The following UBE2K variants were observed in gnomAD, a reference collection of about 807,000 sequenced individuals.
UBE2K encodes ubiquitin-conjugating enzyme E2 K.
A neutral mutation model predicts 30.0 loss-of-function variants in UBE2K; 6 were observed. That is an observed-to-expected ratio of 0.20 (90% CI 0.11 to 0.39). UBE2K has a LOEUF of 0.39. Ranked by LOEUF, UBE2K falls within the 10% of genes least tolerant of loss-of-function variation. UBE2K has a pLI of 1.00. For missense variants in UBE2K, 61 were observed against 241.6 expected, an observed-to-expected ratio of 0.25 and a Z score of 4.96; for synonymous variants, 86 against 83.7, an observed-to-expected ratio of 1.03 and a Z score of -0.15.
At chr4:39,752,311 A>ATTT (rs751312791) in intron 3 of UBE2K, among the ~76,000 whole-genome samples, 2 of 118,550 alleles carry the variant, frequency 1.7e-5, no homozygotes, top group African/African-American at 6.3e-5. Flanking sequence ...CGCCTGGCTA[A>ATTT]TTTTTTTTTT....
At chr4:39,763,190 G>A (rs903630910) in intron 4 of UBE2K, among the ~76,000 whole-genome samples, 8 of 151,264 alleles carry the variant, frequency 5.3e-5, no homozygotes, top group African/African-American at 1.9e-4. Flanking sequence ...TGATCCACCC[G>A]CCTTGGCCTC....
intron 1 of UBE2K, among the ~76,000 whole-genome samples, chr4:39,707,170 A>G (rs570828949): frequency 1.1e-4 from 16 of 151,824 alleles, no homozygotes; most frequent in Non-Finnish European, 2.2e-4. Flanking sequence ...TTGGCCTCCC[A>G]AAGTGCTGGG....
chr4:39,708,805 G>A (rs568491668), intron 1 of UBE2K, among the ~76,000 whole-genome samples: 16 of 151,818 alleles, frequency 1.1e-4, no homozygotes, highest in Admixed American at 5.9e-4. Flanking sequence ...TTGCATACCA[G>A]TTTAGTCATA....
At chr4:39,720,001 T>C (rs899807265) in intron 1 of UBE2K, among the ~76,000 whole-genome samples, 12 of 152,232 alleles carry the variant, frequency 7.9e-5, no homozygotes, top group African/African-American at 2.4e-4. Context: ...GCACTGTGAA[T>C]GTGAGTCATT....
chr4:39,769,686 C>A (rs572060675), intron 4 of UBE2K, among the ~76,000 whole-genome samples: 1 of 147,266 alleles, frequency 6.8e-6, no homozygotes, highest in Non-Finnish European at 1.5e-5. Context: ...ACCCACCCCC[C>A]CACCCTTCTT....
At chr4:39,757,005 T>TTTTTG (rs1721554700) in intron 4 of UBE2K, among the ~76,000 whole-genome samples, 5 of 115,280 alleles carry the variant, frequency 4.3e-5, no homozygotes, top group Admixed American at 3.1e-4. Context: ...TGGGTGTTTT[T>TTTTTG]TTTTTGTTTT....
intron 2 of UBE2K, among the ~76,000 whole-genome samples, chr4:39,738,277 A>G (rs1304583962): frequency 1.3e-5 from 2 of 152,132 alleles, no homozygotes; most frequent in Non-Finnish European, 2.9e-5. Context: ...CTTTACATGT[A>G]TTTTCTCATT....
rs71194907 is a variant in UBE2K, at chr4:39,716,997, C to CAA, written c.63+18627_63+18628dup. Among the ~76,000 whole-genome samples, 235 of 34,856 alleles carry CAA rather than the reference C, an allele frequency of 6.7e-3. 6 individuals are homozygous for CAA. The highest frequency in any genetic ancestry group is 0.016 in the African/African-American group (157 of 9,854). 22.9% of individuals were successfully genotyped at this position (34,856 alleles called of 152,430 possible). Reference sequence around the variant, plus strand: ...TGGGTGGCAGGGTGAGACTCCATCTCAAAAAAAAAAAAAAAAAAAAAGCCT... The same window carrying CAA: ...TGGGTGGCAGGGTGAGACTCCATCTCAAAAAAAAAAAAAAAAAAAAAAAGCCT... On this transcript the variant is annotated intron_variant, in intron 1 of 6. Coordinates refer to ENST00000261427, the MANE Select transcript of UBE2K (RefSeq NM_005339.5).
At chr4:39,702,231 C>CTTTTTTTTTTT (rs564712672) in intron 1 of UBE2K, among the ~76,000 whole-genome samples, 16 of 67,372 alleles carry the variant, frequency 2.4e-4, no homozygotes, top group Non-Finnish European at 3.8e-4. Context: ...CTTTTCTTTT[C>CTTTTTTTTTTT]TTTTTTTTTT....
At chr4:39,714,627 G>T (rs2109317706) in intron 1 of UBE2K, among the ~76,000 whole-genome samples, 1 of 140,670 alleles carries the variant, frequency 7.1e-6, no homozygotes, top group African/African-American at 2.7e-5. Flanking sequence ...GCCCACTGCA[G>T]CCTCCGACTC....
intron 1 of UBE2K, among the ~76,000 whole-genome samples, chr4:39,715,551 C>G (rs1156315941): frequency 6.6e-6 from 1 of 152,046 alleles, no homozygotes; most frequent in Non-Finnish European, 1.5e-5. Flanking sequence ...CTCAAGTGAT[C>G]CACCCGCCTC....
At chr4:39,731,909 A>G (rs981864680) in intron 1 of UBE2K, among the ~76,000 whole-genome samples, 1 of 152,240 alleles carries the variant, frequency 6.6e-6, no homozygotes, top group Non-Finnish European at 1.5e-5. Context: ...TAATTTTTTT[A>G]TATCAATAAG....
intron 4 of UBE2K, chr4:39,770,097 T>C (rs1712676714): frequency 6.4e-7 from 1 of 1,565,484 alleles, no homozygotes; most frequent in Non-Finnish European, 8.6e-7. Flanking sequence ...GATGAGGACA[T>C]TAATCTCGGC....
chr4:39,715,556 C>T (rs1364857314), intron 1 of UBE2K, among the ~76,000 whole-genome samples: 3 of 151,844 alleles, frequency 2.0e-5, no homozygotes, highest in Non-Finnish European at 2.9e-5. Context: ...GTGATCCACC[C>T]GCCTCAGCCT....
intron 4 of UBE2K, chr4:39,760,863 G>T (rs1711894120): frequency 6.6e-6 from 1 of 152,252 alleles, no homozygotes; most frequent in African/African-American, 2.4e-5. Flanking sequence ...AGGAGGAGCA[G>T]AAGTGAGGCT....
intron 1 of UBE2K, among the ~76,000 whole-genome samples, chr4:39,736,913 G>A (rs931811806): frequency 8.8e-4 from 134 of 152,278 alleles, no homozygotes; most frequent in African/African-American, 3.1e-3. Context: ...GGTGGATAGT[G>A]TACTATTTCA....
At chr4:39,777,563 C>CACATTTTAA in intron 5 of UBE2K, 119 bp from the exon 6 acceptor site, 1 of 996,790 alleles carries the variant, frequency 1.0e-6, no homozygotes, top group Non-Finnish European at 1.4e-6. Context: ...CAAAGTGAAT[C>CACATTTTAA]ACATTTTAAA....
At chr4:39,702,231 C>CTTTTCTTT (rs1718062050) in intron 1 of UBE2K, among the ~76,000 whole-genome samples, 4 of 67,390 alleles carry the variant, frequency 5.9e-5, no homozygotes, top group Non-Finnish European at 8.2e-5. Flanking sequence ...CTTTTCTTTT[C>CTTTTCTTT]TTTTTTTTTT....
chr4:39,747,213 A>G (rs1721027725), intron 3 of UBE2K, among the ~76,000 whole-genome samples: 1 of 152,188 alleles, frequency 6.6e-6, no homozygotes, highest in Non-Finnish European at 1.5e-5. Context: ...CATGACATAA[A>G]ATTTACCATT....
Sources: gnomAD v4.1 joint callset for allele counts (sites outside exome capture counted in the v4.1 genomes callset) on GRCh38, gnomAD v4.1.1 for gene constraint, MANE v1.5 for transcripts, NCBI Gene and HGNC (gene_info 2026-07-23, HGNC 2026-07-21) for gene names.